Variants in ZNF521 observed in about 807,000 individuals in gnomAD.
ZNF521 encodes LYST-interacting protein 3.
ZNF521 carries 14 observed loss-of-function variants against 105.5 expected under a neutral mutation model. The ratio of observed to expected loss-of-function variants is 0.13; its 90% CI spans 0.09 to 0.21. The LOEUF is 0.21. Ranked by LOEUF, ZNF521 falls within the 10% of genes least tolerant of loss-of-function variation. ZNF521 has a pLI of 1.00. For synonymous variants in ZNF521, 635 were observed against 606.0 expected, an observed-to-expected ratio of 1.05 and a Z score of -0.70; for missense variants, 1,233 against 1,629.7, an observed-to-expected ratio of 0.76 and a Z score of 4.19.
chr18:25,154,064 A>G (rs971930020), intron 5 of ZNF521, among the ~76,000 whole-genome samples: 14 of 152,222 alleles, frequency 9.2e-5, no homozygotes, highest in Admixed American at 2.6e-4. Flanking sequence ...ATGGTTTACC[A>G]TCTTCCAAAT....
intron 3 of ZNF521, among the ~76,000 whole-genome samples, chr18:25,276,196 C>T (rs763131450): frequency 1.3e-5 from 2 of 152,102 alleles, no homozygotes; most frequent in Non-Finnish European, 2.9e-5. Flanking sequence ...GGGGCTTCAT[C>T]ACTCTCTCTT....
chr18:25,329,478 CCACA>C (rs1913426182), intron 2 of ZNF521, among the ~76,000 whole-genome samples: 1 of 152,100 alleles, frequency 6.6e-6, no homozygotes, highest in African/African-American at 2.4e-5. Flanking sequence ...ATTTTGAAGG[CCACA>C]TAACACTGGG....
intron 7 of ZNF521, among the ~76,000 whole-genome samples, chr18:25,072,440 T>C (rs1226981441): frequency 6.6e-6 from 1 of 152,204 alleles, no homozygotes; most frequent in African/African-American, 2.4e-5. Flanking sequence ...AGTTGCAAGC[T>C]GACCCCTATC....
At chr18:25,166,610 T>A (rs779373517) in intron 5 of ZNF521, among the ~76,000 whole-genome samples, 1 of 152,224 alleles carries the variant, frequency 6.6e-6, no homozygotes, top group Non-Finnish European at 1.5e-5. Flanking sequence ...TTCTTTCTGT[T>A]GTTTGTAGAC....
At chr18:25,222,953 G>C (rs547395766) in intron 4 of ZNF521, among the ~76,000 whole-genome samples, 2 of 152,298 alleles carry the variant, frequency 1.3e-5, no homozygotes, top group East Asian at 3.9e-4. Context: ...CAGAGAGAGA[G>C]AAAACGCTAC....
chr18:25,210,222 T>C (rs2036155027), intron 4 of ZNF521, among the ~76,000 whole-genome samples: 1 of 152,136 alleles, frequency 6.6e-6, no homozygotes, highest in African/African-American at 2.4e-5. Flanking sequence ...ATAAAGAGGG[T>C]AAAGTATGTT....
intron 5 of ZNF521, among the ~76,000 whole-genome samples, chr18:25,182,793 C>T (rs1379962633): frequency 6.6e-6 from 1 of 152,140 alleles, no homozygotes; most frequent in African/African-American, 2.4e-5. Flanking sequence ...GTCTAGCAAA[C>T]AGGCTTCTAG....
intron 7 of ZNF521, among the ~76,000 whole-genome samples, chr18:25,086,865 T>C (rs1282293081): frequency 6.6e-6 from 1 of 152,208 alleles, no homozygotes; most frequent in Non-Finnish European, 1.5e-5. Flanking sequence ...TTGTGTGTTC[T>C]GCACTAAAAT....
At chr18:25,228,407 A>G (rs2144746448) in intron 3 of ZNF521, among the ~76,000 whole-genome samples, 2 of 152,382 alleles carry the variant, frequency 1.3e-5, no homozygotes, top group Non-Finnish European at 2.9e-5. Context: ...ATTAAATGTT[A>G]GAAGGGTACT....
intron 5 of ZNF521, among the ~76,000 whole-genome samples, chr18:25,112,852 C>G (rs1450746321): frequency 1.3e-5 from 2 of 151,988 alleles, no homozygotes; most frequent in Non-Finnish European, 2.9e-5. Flanking sequence ...CTCTGAGGGC[C>G]CTGAAGTAAG....
intron 5 of ZNF521, among the ~76,000 whole-genome samples, chr18:25,159,603 G>C (rs1329539495): frequency 6.6e-6 from 1 of 152,198 alleles, no homozygotes; most frequent in Non-Finnish European, 1.5e-5. Context: ...CTCCAGCTAG[G>C]TACTGATTGA....
At chr18:25,298,275 T>A (rs2145057641) in intron 3 of ZNF521, among the ~76,000 whole-genome samples, 1 of 152,344 alleles carries the variant, frequency 6.6e-6, no homozygotes, top group South Asian at 2.1e-4. Context: ...AAATGATGTC[T>A]TAGTCAAAGG....
Position 25,249,106 on chromosome 18 carries a change from T to C in ZNF521, c.221-21409A>G, listed in dbSNP as rs756935489. On this transcript the variant is annotated intron_variant, in intron 3 of 7. Coordinates refer to ENST00000361524, the MANE Select transcript of ZNF521 (RefSeq NM_015461.3). ...TATATATTAACAACCCTCTCTCACA[T>C]AGCAAGAATAAATATTTATGGTACC... Among the ~76,000 whole-genome samples the C allele has an allele frequency of 5.5e-4, 84 of 152,002 alleles. 1 individual carries two copies. Among genetic ancestry groups the C allele is most frequent in the Non-Finnish European group, 4.7e-4 (32 of 68,006 alleles).
intron 5 of ZNF521, among the ~76,000 whole-genome samples, chr18:25,126,395 AAT>A (rs905580729): frequency 7.0e-4 from 107 of 152,248 alleles, no homozygotes; most frequent in African/African-American, 2.4e-3. Flanking sequence ...TCCTCAAATG[AAT>A]AGTTTATTCC....
At chr18:25,159,037 G>A (rs7229946) in intron 5 of ZNF521, among the ~76,000 whole-genome samples, 66,616 of 151,780 alleles carry the variant, frequency 0.44, 14,775 homozygotes, top group South Asian at 0.59. Flanking sequence ...AGTGTGAGAG[G>A]TAAATAAGAA....
intron 7 of ZNF521, among the ~76,000 whole-genome samples, chr18:25,075,334 A>G (rs1208100609): frequency 1.3e-5 from 2 of 152,244 alleles, no homozygotes; most frequent in Admixed American, 1.3e-4. Context: ...GGACAAGAGG[A>G]AGAGAAATAT....
At chr18:25,104,168 C>T (rs2034025933) in intron 5 of ZNF521, among the ~76,000 whole-genome samples, 2 of 152,090 alleles carry the variant, frequency 1.3e-5, no homozygotes, top group Non-Finnish European at 2.9e-5. Flanking sequence ...TTTTAATCCC[C>T]TATCTTTATG....
At chr18:25,087,609 A>T (rs2033651501) in intron 7 of ZNF521, among the ~76,000 whole-genome samples, 1 of 152,236 alleles carries the variant, frequency 6.6e-6, no homozygotes, top group South Asian at 2.1e-4. Flanking sequence ...TTTTGGCCAT[A>T]TCCTTTATAG....
rs929538919 is a variant in ZNF521 at position 25,298,598 on chromosome 18, C to G, written c.220+23410G>C. On this transcript the variant is annotated intron_variant, in intron 3 of 7. Coordinates refer to ENST00000361524, the MANE Select transcript of ZNF521 (RefSeq NM_015461.3). ...ATTCAATATCCAGTTTACCCACATA[C>G]TTTATATTTTAAAAATGGAACAGCG... is the stretch of plus-strand genomic sequence containing the variant. 3.1e-4 allele frequency among the ~76,000 whole-genome samples: 47 copies of G among 152,240 alleles called. 1 individual carries two copies. Among genetic ancestry groups the G allele is most frequent in the African/African-American group, 1.1e-3 (45 of 41,546 alleles).
Sources: gnomAD v4.1 joint callset for allele counts (sites outside exome capture counted in the v4.1 genomes callset) on GRCh38, gnomAD v4.1.1 for gene constraint, MANE v1.5 for transcripts, NCBI Gene and HGNC (gene_info 2026-07-23, HGNC 2026-07-21) for gene names.